SYTL5: variants seen among roughly 807,000 people sequenced by gnomAD.
The protein encoded by SYTL5 is synaptotagmin-like protein 5.
In SYTL5, 34 loss-of-function variants were observed where a neutral mutation model predicts 55.9. The ratio of observed to expected loss-of-function variants is 0.61; its 90% CI spans 0.46 to 0.81. SYTL5 has a LOEUF of 0.81. SYTL5 is among the 30% of genes least tolerant of loss of function. The pLI is 0.00. For synonymous variants in SYTL5, 221 were observed against 188.7 expected (o/e 1.17, Z -1.40); for missense variants, 637 against 546.7 (o/e 1.17, Z -1.65).
intron 2 of SYTL5, among the ~76,000 whole-genome samples, chrX:38,035,670 G>A (rs1287545054): frequency 9.1e-6 from 1 of 110,323 alleles, no homozygotes; most frequent in African/African-American, 3.3e-5. Flanking sequence ...GCAGAGGTGG[G>A]CGGATCAGGA....
intron 13 of SYTL5, among the ~76,000 whole-genome samples, chrX:38,118,248 C>A (rs1472011593): frequency 9.0e-6 from 1 of 111,625 alleles, no homozygotes; most frequent in East Asian, 2.8e-4. Context: ...TTTTTCCCAC[C>A]CTTACTAGTA....
At chrX:38,046,378 G>C (rs972361273) in intron 2 of SYTL5, among the ~76,000 whole-genome samples, 3 of 111,677 alleles carry the variant, frequency 2.7e-5, no homozygotes, top group Non-Finnish European at 5.6e-5. Context: ...AAGGCAGAAG[G>C]TGAGAGGCAC....
the SYTL5 span, among the ~76,000 whole-genome samples, chrX:37,955,234 C>A: frequency 1.8e-5 from 2 of 111,613 alleles, no homozygotes; most frequent in Non-Finnish European, 3.8e-5. Flanking sequence ...TTTAACATTA[C>A]ATTTATATTC....
Position 38,127,911 on chromosome X carries a change from A to G in SYTL5, c.*1181A>G, listed in dbSNP as rs1042917588. On this transcript the variant is annotated 3_prime_UTR_variant, in exon 17 of 17. Transcript: ENST00000297875. ...AAGATGAGCCCCACTGCTCGGGTAC[A>G]TTTTCAGCCCCTGGTTGTGTCATGT... 9.0e-6 allele frequency: 1 copy of G among 111,646 alleles called. No individual in the cohort carries two copies. The highest frequency in any genetic ancestry group is 1.9e-5 in the Non-Finnish European group (1 of 53,190). The allele number at this position is 111,646 out of a possible 1,213,427, so 9.2% of individuals were successfully genotyped here.
chrX:37,959,230 C>A, the SYTL5 span, among the ~76,000 whole-genome samples: 21 of 111,831 alleles, frequency 1.9e-4, no homozygotes, highest in East Asian at 5.6e-3. Flanking sequence ...TGCCCGCAGA[C>A]CCTGACCTAA....
the SYTL5 span, among the ~76,000 whole-genome samples, chrX:37,924,408 A>G: frequency 8.9e-6 from 1 of 111,977 alleles, no homozygotes; most frequent in African/African-American, 3.2e-5. Flanking sequence ...TATATAGTAT[A>G]TAAAGTGTGT....
the SYTL5 span, among the ~76,000 whole-genome samples, chrX:37,993,320 A>G: frequency 8.9e-6 from 1 of 112,320 alleles, no homozygotes; most frequent in African/African-American, 3.2e-5. Context: ...AAAATTAGAA[A>G]AACACAATGA....
At chrX:38,021,980 C>T (rs1025003606) in intron 1 of SYTL5, among the ~76,000 whole-genome samples, 5 of 112,413 alleles carry the variant, frequency 4.4e-5, no homozygotes, top group African/African-American at 1.6e-4. Context: ...TTGTTTGTTA[C>T]TTTTATTTTC....
At chrX:37,982,773 G>C in the SYTL5 span, among the ~76,000 whole-genome samples, 1 of 111,115 alleles carries the variant, frequency 9.0e-6, no homozygotes, top group African/African-American at 3.3e-5. Flanking sequence ...GAAATAAGAA[G>C]GTTCATATAA....
chrX:37,949,941 G>C, the SYTL5 span, among the ~76,000 whole-genome samples: 7 of 111,960 alleles, frequency 6.3e-5, no homozygotes, highest in African/African-American at 2.3e-4. Context: ...TCAATTTCTT[G>C]ACTGGTCTAA....
chrX:38,102,476 C>G, intron 10 of SYTL5, 42 bp downstream of exon 10: 1 of 961,626 alleles, frequency 1.0e-6, no homozygotes, highest in Middle Eastern at 2.6e-4. Flanking sequence ...TCTTTTCCCT[C>G]TTTTTGATTT....
At chrX:38,091,062 T>C (rs1192286030) in intron 7 of SYTL5, among the ~76,000 whole-genome samples, 2 of 110,270 alleles carry the variant, frequency 1.8e-5, no homozygotes. Flanking sequence ...AAACTGGAGG[T>C]TTTAGAGCAG....
chrX:38,011,414 G>A (rs1934179365), intron 1 of SYTL5, among the ~76,000 whole-genome samples: 1 of 109,942 alleles, frequency 9.1e-6, no homozygotes, highest in Non-Finnish European at 1.9e-5. Context: ...GGTGGATCAC[G>A]AGGTCAGGAG....
chrX:38,038,336 T>C (rs954110066), intron 2 of SYTL5, among the ~76,000 whole-genome samples: 2 of 111,750 alleles, frequency 1.8e-5, no homozygotes, highest in African/African-American at 6.5e-5. Context: ...CCCGCTTCTG[T>C]TGAACTCTCC....
At chrX:37,964,143 T>A in the SYTL5 span, among the ~76,000 whole-genome samples, 1 of 111,148 alleles carries the variant, frequency 9.0e-6, no homozygotes, top group Middle Eastern at 4.6e-3. Flanking sequence ...AGGAATGGGG[T>A]TAGTGCCCTT....
At chrX:38,076,916 G>A (rs1936405007) in intron 6 of SYTL5, among the ~76,000 whole-genome samples, 1 of 111,789 alleles carries the variant, frequency 8.9e-6, no homozygotes, top group African/African-American at 3.3e-5. Flanking sequence ...GTCACCTGCA[G>A]GGATGAAACT....
the SYTL5 span, among the ~76,000 whole-genome samples, chrX:37,895,072 C>G: frequency 8.9e-6 from 1 of 111,823 alleles, no homozygotes; most frequent in Admixed American, 9.5e-5. Context: ...ATGTCTATGT[C>G]TACATCTATG....
In SYTL5 at chrX:38,033,864, C is replaced by T. The variant is rs370733531; in HGVS notation, c.-26C>T. On this transcript the variant is annotated 5_prime_UTR_variant, in exon 2 of 17. Transcript: ENST00000297875. The stretch of plus-strand genomic sequence containing the variant: ...CACCTTCTTGAAGATTCAACCACTG[C>T]TACTCAGAGCTGCTGCTGAAATACC... 1 of 908,020 alleles carries T rather than the reference C, an allele frequency of 1.1e-6. No individual in the cohort carries two copies. Among genetic ancestry groups the T allele is most frequent in the Non-Finnish European group, 1.6e-6 (1 of 633,639 alleles). 74.8% of individuals were successfully genotyped at this position (908,020 alleles called of 1,213,427 possible). A position where few individuals can be genotyped will look rare whatever the true frequency, so the allele number is the denominator to read the frequency against.
At chrX:37,902,178 A>T in the SYTL5 span, among the ~76,000 whole-genome samples, 4 of 112,018 alleles carry the variant, frequency 3.6e-5, no homozygotes, top group Non-Finnish European at 7.5e-5. Flanking sequence ...TTCTACACCC[A>T]GGGCTTCCTC....
Sources: gnomAD v4.1 joint callset for allele counts (sites outside exome capture counted in the v4.1 genomes callset) on GRCh38, gnomAD v4.1.1 for gene constraint, MANE v1.5 for transcripts, NCBI Gene and HGNC (gene_info 2026-07-23, HGNC 2026-07-21) for gene names.